The following GLRB variants were observed in gnomAD, a reference collection of about 807,000 sequenced individuals.
GLRB encodes the protein glycine receptor subunit beta.
A neutral mutation model predicts 54.2 loss-of-function variants in GLRB; 33 were observed. The ratio of observed to expected loss-of-function variants is 0.61; its 90% CI spans 0.46 to 0.81. GLRB has a LOEUF of 0.81. GLRB is among the 40% of genes least tolerant of loss of function. The probability of loss-of-function intolerance (pLI) is 0.00; values close to 1 mark genes in which losing one functional copy is unlikely to be tolerated. For missense variants in GLRB, 572 were observed against 584.6 expected (o/e 0.98, Z 0.22); for synonymous variants, 209 against 208.2 (o/e 1.00, Z -0.03).
chr4:157,101,414 T>TTTTAACTTGAAAAGTTAAAA (rs1222282791), intron 2 of GLRB, among the ~76,000 whole-genome samples: 17 of 152,228 alleles, frequency 1.1e-4, no homozygotes, highest in Middle Eastern at 3.4e-3. Context: ...ATAAGAACAT[T>TTTTAACTTGAAAAGTTAAAA]GTTCTCAGTT....
rs767410206 is a variant in GLRB, at chr4:157,152,708, G to C, written c.905-10G>C. 3.1e-6 allele frequency: 5 copies of C among 1,611,492 alleles called. No individual in the cohort carries two copies. The highest frequency in any genetic ancestry group is 1.1e-5 in the South Asian group (1 of 91,032). The stretch of plus-strand genomic sequence containing the variant: ...AAAAGCAACTTTCATTCCTCTTTCT[G>C]TTTCTGTAGGTATCTTCTCAGTCCT... On this transcript the variant is annotated splice_polypyrimidine_tract_variant and intron_variant, in intron 8 of 9. Transcript: ENST00000264428.
chr4:157,106,851 C>T (rs960312254), intron 2 of GLRB, among the ~76,000 whole-genome samples: 5 of 151,978 alleles, frequency 3.3e-5, no homozygotes, highest in Admixed American at 6.6e-5. Context: ...TCAGCCAATA[C>T]CACTATTAAA....
chr4:157,152,697 T>G, intron 8 of GLRB, 21 bp from the exon 9 acceptor site: 1 of 1,607,826 alleles, frequency 6.2e-7, no homozygotes, highest in Non-Finnish European at 8.5e-7. Context: ...GCAACTTTCA[T>G]TCCTCTTTCT....
chr4:157,137,699 C>A (rs530252315), intron 6 of GLRB, among the ~76,000 whole-genome samples: 3 of 152,244 alleles, frequency 2.0e-5, no homozygotes, highest in South Asian at 4.1e-4. Flanking sequence ...TTCTTTCTAA[C>A]TATAAAATGA....
At chr4:157,117,395 A>G (rs1387079665) in intron 2 of GLRB, among the ~76,000 whole-genome samples, 1 of 151,686 alleles carries the variant, frequency 6.6e-6, no homozygotes, top group Non-Finnish European at 1.5e-5. Flanking sequence ...TTCTACCATT[A>G]TCTCCCTCAA....
At chr4:157,101,020 A>T (rs1735003682) in intron 2 of GLRB, among the ~76,000 whole-genome samples, 1 of 152,180 alleles carries the variant, frequency 6.6e-6, no homozygotes, top group African/African-American at 2.4e-5. Context: ...TATTGAATGA[A>T]TGAAGGTATC....
intron 4 of GLRB, among the ~76,000 whole-genome samples, chr4:157,129,371 A>T (rs1211316217): frequency 6.6e-6 from 1 of 151,848 alleles, no homozygotes; most frequent in Non-Finnish European, 1.5e-5. Flanking sequence ...GGTTATCTTA[A>T]TATAAAGCAT....
chr4:157,104,981 T>C (rs537510786), intron 2 of GLRB, among the ~76,000 whole-genome samples: 40 of 151,948 alleles, frequency 2.6e-4, no homozygotes, highest in Middle Eastern at 3.4e-3. Flanking sequence ...ATTCTAGCTG[T>C]AAATTTTGTT....
At chr4:157,169,633 C>A (rs1400850846) in intron 9 of GLRB, among the ~76,000 whole-genome samples, 2 of 152,020 alleles carry the variant, frequency 1.3e-5, no homozygotes, top group African/African-American at 4.8e-5. Flanking sequence ...CCTATAGATA[C>A]AAGGGGCAAC....
intron 2 of GLRB, among the ~76,000 whole-genome samples, chr4:157,087,674 G>A (rs980917535): frequency 1.4e-5 from 2 of 138,580 alleles, no homozygotes; most frequent in Non-Finnish European, 3.2e-5. Flanking sequence ...CAAAACATAG[G>A]TATTTAACTG....
In GLRB at chr4:157,091,197, C is replaced by T. The variant is rs371519605; in HGVS notation, c.122+13051C>T. Among the ~76,000 whole-genome samples the T allele has an allele frequency of 4.7e-3, 718 of 152,116 alleles. 9 individuals carry two copies. Among genetic ancestry groups the T allele is most frequent in the African/African-American group, 0.016 (659 of 41,518 alleles). On this transcript the variant is annotated intron_variant, in intron 2 of 9. Coordinates refer to ENST00000264428, the MANE Select transcript of GLRB (RefSeq NM_000824.5). ...TTTTGAAACGATTATAATAGTTTGG[C>T]GTGCAGCACAATGATTTATGGGTAC...
At chr4:157,114,647 C>T (rs1324020064) in intron 2 of GLRB, among the ~76,000 whole-genome samples, 2 of 151,660 alleles carry the variant, frequency 1.3e-5, no homozygotes, top group African/African-American at 4.8e-5. Flanking sequence ...CTTCTCTTGG[C>T]CGTGACAGTC....
intron 7 of GLRB, among the ~76,000 whole-genome samples, chr4:157,143,583 A>G (rs1248583733): frequency 1.3e-5 from 2 of 152,156 alleles, no homozygotes; most frequent in Non-Finnish European, 2.9e-5. Context: ...TCTATTTCTC[A>G]ATGTCATAAT....
chr4:157,123,148 T>C (rs1360673027), intron 4 of GLRB, among the ~76,000 whole-genome samples: 1 of 151,752 alleles, frequency 6.6e-6, no homozygotes, highest in Non-Finnish European at 1.5e-5. Context: ...ATTTGTGCTC[T>C]TTTTGACAAA....
chr4:157,170,575 A>C lies in GLRB; in HGVS notation c.1341A>C (p.Gly447=). 3 of 1,613,572 alleles carry C rather than the reference A, an allele frequency of 1.9e-6. No individual in the cohort carries two copies. The highest frequency in any genetic ancestry group is 1.7e-6 in the Non-Finnish European group (2 of 1,179,622). Residue 447 remains glycine, a synonymous_variant, in exon 10 of 10, where the codon GGA becomes GGC. Coordinates refer to ENST00000264428, the MANE Select transcript of GLRB (RefSeq NM_000824.5). ...CYGKPIEVNN[G]LGKSQAKNNK... ...GAAAACCCATTGAAGTTAACAACGG[A>C]CTTGGGAAATCTCAGGCTAAGAACA...
At chr4:157,132,760 A>G (rs1281649685) in intron 4 of GLRB, among the ~76,000 whole-genome samples, 6 of 151,920 alleles carry the variant, frequency 3.9e-5, no homozygotes, top group Admixed American at 3.3e-4. Context: ...TGAACAAACA[A>G]AGGAATGAAT....
chr4:157,078,113 G>A lies in GLRB; in HGVS notation c.89G>A (p.Gly30Glu), dbSNP rs1232212374. 6.2e-6 allele frequency: 10 copies of A among 1,612,074 alleles called. No individual in the cohort carries two copies. Among genetic ancestry groups the A allele is most frequent in the Non-Finnish European group, 8.5e-6 (10 of 1,178,618 alleles). Residue 30 changes from glycine (G) to glutamate (E), a missense_variant, in exon 2 of 10, where the codon GGG becomes GAG. Gly to Glu is a moderately conservative substitution (Grantham distance 98). Coordinates refer to ENST00000264428, the MANE Select transcript of GLRB (RefSeq NM_000824.5). ...AYSKEKSSKK[G>E]KGKKKQYLCP... ...TCTAAGGAAAAGTCTTCAAAGAAAG[G>A]GAAGGGGAAAAAGAAGCAGTATCTA...
In GLRB at chr4:157,093,062, T is replaced by C. The variant is rs564382570; in HGVS notation, c.122+14916T>C. Among the ~76,000 whole-genome samples the C allele has an allele frequency of 3.0e-4, 45 of 152,336 alleles. No homozygotes were observed. The South Asian group carries it at 7.7e-3, about 26-fold the overall frequency. Reference sequence around the variant, plus strand: ...CATTACCCTCTCCAGTGGGAACACATTTTTCTTCTTGATTGTCACTTAGCC... The same window carrying C: ...CATTACCCTCTCCAGTGGGAACACACTTTTCTTCTTGATTGTCACTTAGCC... On this transcript the variant is annotated intron_variant, in intron 2 of 9. Transcript: ENST00000264428.
chr4:157,083,532 C>T (rs72978480), intron 2 of GLRB, among the ~76,000 whole-genome samples: 7,040 of 152,088 alleles, frequency 0.046, 167 homozygotes, highest in African/African-American at 0.054. Flanking sequence ...ATTACACAGG[C>T]GGTTAGACCA....
Sources: gnomAD v4.1 joint callset for allele counts (sites outside exome capture counted in the v4.1 genomes callset) on GRCh38, gnomAD v4.1.1 for gene constraint, MANE v1.5 for transcripts, NCBI Gene and HGNC (gene_info 2026-07-23, HGNC 2026-07-21) for gene names.